Variants in MITD1 observed in about 807,000 individuals in gnomAD.
MITD1 encodes MIT domain-containing protein 1.
In MITD1, 24 loss-of-function variants were observed where a neutral mutation model predicts 34.9. That is an observed-to-expected ratio of 0.69 (90% CI 0.50 to 0.97). The LOEUF is 0.97. Ranked by LOEUF, MITD1 falls within the 50% of genes least tolerant of loss-of-function variation. The probability of loss-of-function intolerance (pLI) is 0.00; values close to 1 mark genes in which losing one functional copy is unlikely to be tolerated. For synonymous variants in MITD1, 102 were observed against 101.4 expected (o/e 1.01, Z -0.04); for missense variants, 266 against 294.6 (o/e 0.90, Z 0.71).
intron 2 of MITD1, chr2:99,173,123 A>G (rs2093867496): frequency 6.3e-6 from 1 of 158,714 alleles, no homozygotes; most frequent in Non-Finnish European, 1.4e-5. Flanking sequence ...TAAATTTCAA[A>G]TCGGGGCTAA....
In MITD1 at chr2:99,171,418, A is replaced by AT; in HGVS notation, c.401_402insA (p.Phe134LeufsTer6). ...TAATAAGCATCTCACAAAATCGAAG[A>AT]AAGTTATACAGCTAAAAGACATTAG... On this transcript the variant is annotated frameshift_variant, in exon 4 of 7. Transcript: ENST00000289359. LOFTEE classifies it high-confidence loss of function. 6.2e-7 allele frequency: 1 copy of AT among 1,611,518 alleles called. No individual in the cohort carries two copies. Among genetic ancestry groups the AT allele is most frequent in the Non-Finnish European group, 8.5e-7 (1 of 1,178,104 alleles).
chr2:99,178,717 T>C (rs576987250), intron 1 of MITD1, among the ~76,000 whole-genome samples: 1 of 152,252 alleles, frequency 6.6e-6, no homozygotes, highest in African/African-American at 2.4e-5. Flanking sequence ...AAAGAGCACA[T>C]TCCTGAAAGA....
downstream of MITD1, among the ~76,000 whole-genome samples, chr2:99,165,909 G>C (rs2093824734): frequency 6.6e-6 from 1 of 152,188 alleles, no homozygotes; most frequent in South Asian, 2.1e-4. Flanking sequence ...AATGAAGGCA[G>C]TGAGGCTAGC....
At chr2:99,174,144 A>C (rs76051054) in intron 1 of MITD1, 128 bp from the exon 2 acceptor site, 185 of 570,996 alleles carry the variant, frequency 3.2e-4, no homozygotes, top group Non-Finnish European at 5.0e-4. Flanking sequence ...TCAGTCCTCA[A>C]ACACACACAA....
At chr2:99,176,090 A>G (rs137971595) in intron 1 of MITD1, among the ~76,000 whole-genome samples, 4 of 152,078 alleles carry the variant, frequency 2.6e-5, no homozygotes, top group Non-Finnish European at 5.9e-5. Context: ...ACAGGCACAC[A>G]TTACTATGCC....
downstream of MITD1, among the ~76,000 whole-genome samples, chr2:99,168,978 T>TTTTTTTG (rs70940146): frequency 1.6e-4 from 16 of 103,064 alleles, 1 homozygote; most frequent in South Asian, 3.4e-4. Context: ...TTTTTTTTTT[T>TTTTTTTG]CTGATACAGG....
chr2:99,166,140 T>G (rs1028535318), downstream of MITD1, among the ~76,000 whole-genome samples: 6 of 152,014 alleles, frequency 3.9e-5, no homozygotes, highest in Non-Finnish European at 8.8e-5. Context: ...TTTGTTGTTT[T>G]TTACTAAGAA....
intron 7 of MITD1, among the ~76,000 whole-genome samples, chr2:99,163,646 C>T (rs935695668): frequency 6.6e-6 from 1 of 152,068 alleles, no homozygotes; most frequent in East Asian, 1.9e-4. Flanking sequence ...GATTTTAATA[C>T]CTGGCATGTA....
Position 99,181,010 on chromosome 2 carries a change from C to T in MITD1, c.-29G>A. 1.2e-6 allele frequency: 2 copies of T among 1,605,204 alleles called. No individual in the cohort carries two copies. Among genetic ancestry groups the T allele is most frequent in the Non-Finnish European group, 1.7e-6 (2 of 1,175,282 alleles). ...TCTGGAAGTTCTCCTCCGCCTCAAC[C>T]CAGGATGAAGTTGAGCGGGTCTGCT... On this transcript the variant is annotated 5_prime_UTR_variant, in exon 1 of 7. Coordinates refer to ENST00000289359, the MANE Select transcript of MITD1 (RefSeq NM_138798.3).
intron 4 of MITD1, among the ~76,000 whole-genome samples, chr2:99,171,079 A>G (rs1415643985): frequency 6.6e-6 from 1 of 152,262 alleles, no homozygotes; most frequent in African/African-American, 2.4e-5. Context: ...TAGTGCAGAC[A>G]GTGTGATTGC....
intron 2 of MITD1, 57 bp downstream of exon 2, chr2:99,173,858 G>A (rs2093871663): frequency 9.3e-7 from 1 of 1,069,882 alleles, no homozygotes; most frequent in Admixed American, 1.8e-5. Flanking sequence ...CAGAAACATT[G>A]GGTGAATGGA....
chr2:99,162,500 A>G (rs781562848), intron 7 of MITD1: 24 of 1,614,018 alleles, frequency 1.5e-5, no homozygotes, highest in Admixed American at 3.3e-5. Context: ...GCACTTTATT[A>G]TGTAGTACTG....
At chr2:99,165,019 T>TACACACACACAC (rs56958044), downstream of MITD1, among the ~76,000 whole-genome samples, 161 of 136,754 alleles carry the variant, frequency 1.2e-3, 1 homozygote, top group African/African-American at 4.2e-3. Context: ...CAAAATGGCA[T>TACACACACACAC]ACACACACAC....
downstream of MITD1, among the ~76,000 whole-genome samples, chr2:99,165,019 TACACACACACACACACACACACAC>T (rs56958044): frequency 7.3e-6 from 1 of 136,670 alleles, no homozygotes; most frequent in Non-Finnish European, 1.6e-5. Context: ...CAAAATGGCA[TACACACACACACACACACACACAC>T]ACACACACAC....
downstream of MITD1, among the ~76,000 whole-genome samples, chr2:99,168,023 TG>T (rs1205199674): frequency 6.6e-6 from 1 of 152,222 alleles, no homozygotes; most frequent in Non-Finnish European, 1.5e-5. Context: ...TCCTCTACAC[TG>T]TTTTAACTCT....
downstream of MITD1, among the ~76,000 whole-genome samples, chr2:99,168,179 T>C (rs776112764): frequency 2.0e-5 from 3 of 152,240 alleles, no homozygotes; most frequent in Non-Finnish European, 4.4e-5. Flanking sequence ...TTTACTCTTG[T>C]TGCCCAGGCT....
chr2:99,169,551 T>C lies in MITD1; in HGVS notation c.653A>G (p.Gln218Arg), dbSNP rs1276301256. The change falls in exon 6 of 7, where the codon CAG becomes CGG. Residue 218 changes from glutamine (Q) to arginine (R), a missense_variant and splice_region_variant. Coordinates refer to ENST00000289359, the MANE Select transcript of MITD1 (RefSeq NM_138798.3). ...GRGLDYFKKP[Q>R]SRFSLGYCDF... ...TTTACTCATAAGATTATATCCTACC[T>C]GTGGTTTCTTAAAATAATCAAGTCC... is the stretch of plus-strand genomic sequence containing the variant. The C allele has an allele frequency of 6.2e-7, 1 of 1,608,722 alleles. No homozygotes were observed. The highest frequency in any genetic ancestry group is 8.5e-7 in the Non-Finnish European group (1 of 1,175,232).
intron 1 of MITD1, among the ~76,000 whole-genome samples, chr2:99,178,779 A>T (rs2093900309): frequency 6.6e-6 from 1 of 152,200 alleles, no homozygotes; most frequent in Non-Finnish European, 1.5e-5. Flanking sequence ...TAAAAACCTT[A>T]AATGGTTTCT....
At chr2:99,178,455 C>A (rs2093898909) in intron 1 of MITD1, 1 of 152,188 alleles carries the variant, frequency 6.6e-6, no homozygotes, top group Non-Finnish European at 1.5e-5. Flanking sequence ...GTGGATACAG[C>A]AGTTCGTAAA....
Sources: gnomAD v4.1 joint callset for allele counts (sites outside exome capture counted in the v4.1 genomes callset) on GRCh38, gnomAD v4.1.1 for gene constraint, MANE v1.5 for transcripts, NCBI Gene and HGNC (gene_info 2026-07-23, HGNC 2026-07-21) for gene names.